RFX4: variants seen among roughly 807,000 people sequenced by gnomAD.
RFX4 encodes transcription factor RFX4.
Under a neutral mutation model 95.0 loss-of-function variants are expected in RFX4, and 10 were observed. The ratio of observed to expected loss-of-function variants is 0.11; its 90% CI spans 0.06 to 0.18. The LOEUF (loss-of-function observed/expected upper bound fraction) is 0.18. Ranked by LOEUF, RFX4 falls within the 10% of genes least tolerant of loss-of-function variation. The pLI is 1.00. For missense variants in RFX4, 640 were observed against 922.0 expected (o/e 0.69, Z 3.96); for synonymous variants, 321 against 340.7 (o/e 0.94, Z 0.64).
At chr12:106,715,627 T>A in intron 11 of RFX4, 83 bp downstream of exon 11, 1 of 1,483,696 alleles carries the variant, frequency 6.7e-7, no homozygotes, top group South Asian at 1.2e-5. Flanking sequence ...CGAAGTGGCA[T>A]CCCCACCCTG....
chr12:106,624,193 C>T (rs1219660398), intron 2 of RFX4, among the ~76,000 whole-genome samples: 2 of 152,134 alleles, frequency 1.3e-5, no homozygotes, highest in Non-Finnish European at 2.9e-5. Flanking sequence ...TCATTTATAG[C>T]TGAAAGGAAG....
At chr12:106,709,619 T>C (rs1300218485) in intron 9 of RFX4, among the ~76,000 whole-genome samples, 189 bp downstream of exon 9, 1 of 151,486 alleles carries the variant, frequency 6.6e-6, no homozygotes, top group Non-Finnish European at 1.5e-5. Context: ...AGGTGGCACA[T>C]TTCTTCCTTT....
At chr12:106,753,621 C>A (rs925683899) in intron 17 of RFX4, among the ~76,000 whole-genome samples, 1 of 152,180 alleles carries the variant, frequency 6.6e-6, no homozygotes, top group Non-Finnish European at 1.5e-5. Context: ...TGAGCACTCT[C>A]CACATCCCTT....
At chr12:106,727,386 C>T (rs1025050066) in intron 13 of RFX4, among the ~76,000 whole-genome samples, 5 of 151,924 alleles carry the variant, frequency 3.3e-5, no homozygotes, top group Non-Finnish European at 5.9e-5. Context: ...CACTTAATGG[C>T]GAAATGTTAG....
intron 1 of RFX4, chr12:106,583,579 TGAG>T (rs1565939353): frequency 9.8e-6 from 4 of 407,890 alleles, no homozygotes; most frequent in African/African-American, 4.1e-5. Flanking sequence ...TGTACGTGTG[TGAG>T]TGTGTGTGCG....
In RFX4 at chr12:106,717,000, CAAAAAAA is replaced by C. The variant is rs71311249; in HGVS notation, c.1138+1472_1138+1478del. 1.5e-3 allele frequency among the ~76,000 whole-genome samples: 91 copies of C among 60,500 alleles called. 1 individual carries two copies. Among genetic ancestry groups the C allele is most frequent in the African/African-American group, 2.3e-3 (39 of 17,184 alleles). 39.7% of individuals were successfully genotyped at this position (60,500 alleles called of 152,430 possible). ...ATATTGTATTCATGTGCACAGGAGA[CAAAAAAA>C]AAAAAAAAAAAAAAAGGAAATATGG... On this transcript the variant is annotated intron_variant, in intron 11 of 17. Transcript: ENST00000392842.
chr12:106,589,431 G>T (rs2039507548), intron 1 of RFX4, among the ~76,000 whole-genome samples: 1 of 152,168 alleles, frequency 6.6e-6, no homozygotes. Flanking sequence ...GAGCTTAGAG[G>T]AAAGGATGCT....
intron 14 of RFX4, 137 bp downstream of exon 14, chr12:106,732,386 C>T (rs1401310647): frequency 6.3e-6 from 8 of 1,264,154 alleles, no homozygotes; most frequent in Non-Finnish European, 8.7e-6. Flanking sequence ...TCAAACCAAT[C>T]ATGTCTTTTT....
intron 2 of RFX4, among the ~76,000 whole-genome samples, chr12:106,610,974 A>G (rs1284728484): frequency 6.6e-6 from 1 of 151,506 alleles, no homozygotes; most frequent in African/African-American, 2.4e-5. Flanking sequence ...CCTAGTCATC[A>G]TTTGTTATTT....
intron 1 of RFX4, among the ~76,000 whole-genome samples, chr12:106,590,558 T>G (rs955393611): frequency 1.3e-5 from 2 of 152,220 alleles, no homozygotes; most frequent in East Asian, 3.8e-4. Context: ...TCTTATTGTG[T>G]GTTCCTAACT....
At chr12:106,587,100 C>G (rs867054137) in intron 1 of RFX4, among the ~76,000 whole-genome samples, 31 of 152,332 alleles carry the variant, frequency 2.0e-4, no homozygotes, top group Middle Eastern at 6.8e-3. Flanking sequence ...TCCGAGTCCC[C>G]GAGGCTGCAG....
chr12:106,657,966 G>A (rs2040993628), intron 4 of RFX4, among the ~76,000 whole-genome samples: 1 of 151,900 alleles, frequency 6.6e-6, no homozygotes, highest in African/African-American at 2.4e-5. Flanking sequence ...CTATATCTAT[G>A]TATACACCTA....
chr12:106,655,273 G>A (rs1013278968), intron 4 of RFX4, among the ~76,000 whole-genome samples: 2 of 152,234 alleles, frequency 1.3e-5, no homozygotes, highest in Admixed American at 6.5e-5. Flanking sequence ...TAAATGGGAG[G>A]ATGCTCTGTG....
chr12:106,583,478 C>G (rs1467622500), intron 1 of RFX4, 115 bp downstream of exon 1: 1 of 967,104 alleles, frequency 1.0e-6, no homozygotes, highest in African/African-American at 1.7e-5. Context: ...CAGTGGAACC[C>G]CAAAGAATAA....
intron 7 of RFX4, among the ~76,000 whole-genome samples, chr12:106,695,997 G>A (rs757523732): frequency 6.6e-6 from 1 of 152,126 alleles, no homozygotes; most frequent in African/African-American, 2.4e-5. Flanking sequence ...CACTGAAGGC[G>A]CTGAGGGGTG....
At chr12:106,654,141 C>G (rs2040910320) in intron 3 of RFX4, 87 bp from the exon 4 acceptor site, 4 of 1,545,112 alleles carry the variant, frequency 2.6e-6, no homozygotes, top group Non-Finnish European at 3.6e-6. Flanking sequence ...CTAAGGACTG[C>G]CCATCTCTGG....
chr12:106,602,904 G>A (rs1029496557), intron 1 of RFX4, among the ~76,000 whole-genome samples: 2 of 152,118 alleles, frequency 1.3e-5, no homozygotes, highest in Non-Finnish European at 2.9e-5. Flanking sequence ...AAGGTCATTC[G>A]AACTTACATG....
At chr12:106,657,531 C>T (rs2040983802) in intron 4 of RFX4, among the ~76,000 whole-genome samples, 1 of 152,092 alleles carries the variant, frequency 6.6e-6, no homozygotes, top group African/African-American at 2.4e-5. Context: ...CTTTGGGTCC[C>T]AGAATTAATT....
chr12:106,586,086 C>T lies in RFX4; in HGVS notation c.43+2723C>T, dbSNP rs1286061175. The T allele has an allele frequency of 6.6e-6, 1 of 152,222 alleles. No individual in the cohort carries two copies. The highest frequency in any genetic ancestry group is 2.4e-5 in the African/African-American group (1 of 41,456). The allele number at this position is 152,222 out of a possible 1,614,324, so 9.4% of individuals were successfully genotyped here. A position where few individuals can be genotyped will look rare whatever the true frequency, so the allele number is the denominator to read the frequency against. On this transcript the variant is annotated intron_variant, in intron 1 of 17. Transcript: ENST00000392842. The surrounding 1 kb of genome is among the most constrained non-coding windows in gnomAD (Gnocchi z 5.6). ...GCGCGCGCCTCCTGGGCCCTAGGCGCTCTCGCTGCCGAGCCCGACAAAGCA... is the reference window on the plus strand; with the variant it reads ...GCGCGCGCCTCCTGGGCCCTAGGCGTTCTCGCTGCCGAGCCCGACAAAGCA...
Sources: gnomAD v4.1 joint callset for allele counts (sites outside exome capture counted in the v4.1 genomes callset) on GRCh38, gnomAD v4.1.1 for gene constraint, Gnocchi (gnomAD v3.1) non-coding constraint, MANE v1.5 for transcripts, NCBI Gene and HGNC (gene_info 2026-07-23, HGNC 2026-07-21) for gene names.